The following INPP5B variants were observed in gnomAD, a reference collection of about 807,000 sequenced individuals.
INPP5B encodes the protein inositol polyphosphate-5-phosphatase B, also known as type II inositol 1,4,5-trisphosphate 5-phosphatase.
INPP5B carries 90 observed loss-of-function variants against 118.5 expected under a neutral mutation model. The ratio of observed to expected loss-of-function variants is 0.76; its 90% CI spans 0.64 to 0.90. INPP5B has a LOEUF of 0.90. Ranked by LOEUF, INPP5B falls within the 40% of genes least tolerant of loss-of-function variation. The pLI is 0.00. For synonymous variants in INPP5B, 385 were observed against 418.9 expected, an observed-to-expected ratio of 0.92 and a Z score of 0.99; for missense variants, 984 against 1,125.6, an observed-to-expected ratio of 0.87 and a Z score of 1.80.
intron 13 of INPP5B, chr1:37,883,693 A>G: frequency 4.1e-6 from 4 of 985,426 alleles, no homozygotes; most frequent in South Asian, 9.4e-5. Context: ...GTTCACCAGA[A>G]TGGAAGAGCT....
At chr1:37,886,273 T>TAAA (rs71053998) in intron 12 of INPP5B, among the ~76,000 whole-genome samples, 1 of 147,882 alleles carries the variant, frequency 6.8e-6, no homozygotes. Flanking sequence ...TTGTACAGAT[T>TAAA]AAAAAAAAAA....
chr1:37,917,745 T>C (rs1644923851), intron 7 of INPP5B, among the ~76,000 whole-genome samples: 1 of 152,064 alleles, frequency 6.6e-6, no homozygotes, highest in Non-Finnish European at 1.5e-5. Context: ...GCCTAGTCAA[T>C]CAACATAGCA....
At chr1:37,885,608 G>A (rs1643481902) in intron 13 of INPP5B, 30 bp downstream of exon 13, 1 of 1,603,508 alleles carries the variant, frequency 6.2e-7, no homozygotes, top group East Asian at 2.2e-5. Context: ...TACTCATGGT[G>A]AACCGCATGG....
At chr1:37,946,969 C>T (rs1244565554) in intron 1 of INPP5B, 21 bp downstream of exon 1, 1 of 152,560 alleles carries the variant, frequency 6.6e-6, no homozygotes. Context: ...CCACCCACAG[C>T]TCCCTGACAT....
chr1:37,887,491 T>C (rs776506114), intron 10 of INPP5B, 26 bp from the exon 11 acceptor site: 26 of 1,372,484 alleles, frequency 1.9e-5, no homozygotes, highest in Admixed American at 8.8e-5. Flanking sequence ...ACCAGTTAGA[T>C]AGTAAAGAAA....
At chr1:37,901,419 A>G (rs565260619) in intron 7 of INPP5B, among the ~76,000 whole-genome samples, 77 of 152,278 alleles carry the variant, frequency 5.1e-4, no homozygotes, top group African/African-American at 1.9e-3. Context: ...GCACTTTTCA[A>G]ACTAAGGAGT....
At chr1:37,910,205 C>T (rs1456164668) in intron 7 of INPP5B, among the ~76,000 whole-genome samples, 1 of 152,116 alleles carries the variant, frequency 6.6e-6, no homozygotes, top group Non-Finnish European at 1.5e-5. Flanking sequence ...AGGGTAAGTC[C>T]ATCCTCTTCT....
At chr1:37,877,065 GA>G (rs1212939585) in intron 16 of INPP5B, among the ~76,000 whole-genome samples, 1 of 148,414 alleles carries the variant, frequency 6.7e-6, no homozygotes, top group Non-Finnish European at 1.5e-5. Context: ...AGTGTCTTTT[GA>G]AAAAAAACAA....
At chr1:37,875,332 G>A (rs961837770) in intron 17 of INPP5B, among the ~76,000 whole-genome samples, 2 of 152,022 alleles carry the variant, frequency 1.3e-5, no homozygotes, top group African/African-American at 2.4e-5. Flanking sequence ...GCAGTGGCGC[G>A]ATCTCGGCTC....
chr1:37,890,523 CAAGT>C (rs576964890), intron 8 of INPP5B, among the ~76,000 whole-genome samples: 276 of 152,110 alleles, frequency 1.8e-3, no homozygotes, highest in Non-Finnish European at 2.4e-3. Flanking sequence ...AATACTGATA[CAAGT>C]AAGTGTTTTA....
intron 13 of INPP5B, chr1:37,884,397 C>T (rs1313283488): frequency 1.3e-5 from 2 of 151,682 alleles, no homozygotes; most frequent in Non-Finnish European, 2.9e-5. Context: ...ATCTTCCTGC[C>T]TCAGATTCCT....
At chr1:37,925,962 T>C (rs113684748) in intron 7 of INPP5B, among the ~76,000 whole-genome samples, 2,535 of 152,336 alleles carry the variant, frequency 0.017, 34 homozygotes, top group Middle Eastern at 0.061. Context: ...GTGGAAATGA[T>C]GGGCAATATT....
At chr1:37,901,103 C>A (rs1282263765) in intron 7 of INPP5B, among the ~76,000 whole-genome samples, 1 of 152,224 alleles carries the variant, frequency 6.6e-6, no homozygotes, top group Admixed American at 6.5e-5. Flanking sequence ...AGCCACCACG[C>A]CCGACCTGAT....
At chr1:37,941,792 G>A (rs1645923852) in intron 5 of INPP5B, among the ~76,000 whole-genome samples, 1 of 139,222 alleles carries the variant, frequency 7.2e-6, no homozygotes, top group Non-Finnish European at 1.6e-5. Context: ...CAAAAAATTA[G>A]CCGGGCATGG....
chr1:37,878,120 G>C, intron 16 of INPP5B, 68 bp downstream of exon 16: 1 of 1,551,350 alleles, frequency 6.4e-7, no homozygotes. Flanking sequence ...AGAAAGACAA[G>C]AAATGGTCTT....
chr1:37,926,272 T>C (rs1273781468), intron 7 of INPP5B, among the ~76,000 whole-genome samples: 3 of 151,442 alleles, frequency 2.0e-5, no homozygotes, highest in Admixed American at 6.7e-5. Context: ...CCTTGTAAAT[T>C]TGAGTTACTA....
At chr1:37,884,983 C>T (rs1363002373) in intron 13 of INPP5B, 1 of 152,020 alleles carries the variant, frequency 6.6e-6, no homozygotes. Context: ...AAACTTATAC[C>T]TTCCCAAGGA....
chr1:37,879,272 A>G (rs1643046875), intron 15 of INPP5B, among the ~76,000 whole-genome samples: 1 of 149,052 alleles, frequency 6.7e-6, no homozygotes, highest in South Asian at 2.1e-4. Context: ...CTCCGTCTCA[A>G]AAAAAAAAAA....
chr1:37,873,501 G>A (rs1642598035), intron 18 of INPP5B: 2 of 358,552 alleles, frequency 5.6e-6, no homozygotes, highest in Non-Finnish European at 1.0e-5. Context: ...AGATGAAGAT[G>A]ACTGACTCAG....
Sources: gnomAD v4.1 joint callset for allele counts (sites outside exome capture counted in the v4.1 genomes callset) on GRCh38, gnomAD v4.1.1 for gene constraint, MANE v1.5 for transcripts, NCBI Gene and HGNC (gene_info 2026-07-23, HGNC 2026-07-21) for gene names.